The following TFB2M variants were observed in gnomAD, a reference collection of about 807,000 sequenced individuals.
TFB2M encodes the protein dimethyladenosine transferase 2, mitochondrial.
A neutral mutation model predicts 41.3 loss-of-function variants in TFB2M; 44 were observed. The ratio of observed to expected loss-of-function variants is 1.07; its 90% CI spans 0.84 to 1.37. The LOEUF is 1.37. Ranked by LOEUF, TFB2M falls within the 40% of genes most tolerant of loss-of-function variation. TFB2M has a pLI of 0.00. For missense variants in TFB2M, 496 were observed against 490.2 expected (o/e 1.01, Z -0.11); for synonymous variants, 188 against 176.8 (o/e 1.06, Z -0.50).
At chr1:246,564,522 A>T (rs983367359) in intron 1 of TFB2M, 88 bp from the exon 2 acceptor site, 15 of 1,228,548 alleles carry the variant, frequency 1.2e-5, no homozygotes, top group South Asian at 2.6e-5. Context: ...TTCACACGTT[A>T]TTACCTGGTT....
rs1294155368 is a variant in TFB2M at position 246,565,948 on chromosome 1, G to A, written c.191C>T (p.Ala64Val). Residue 64 changes from alanine (A) to valine (V), a missense_variant, in exon 1 of 8, where the codon GCG (alanine) becomes GTG (valine). Physicochemically the swap from Ala to Val is moderately conservative, Grantham distance 64. Transcript: ENST00000366514. ...CTTAAAGTCTAAGCTGGCCTTAGAC[G>A]CCTTCCTTGGCGGATTCCTGAAATC... Reference protein sequence around the residue: ...EPDFRNPPRKASKASLDFKRY... With the variant: ...EPDFRNPPRKVSKASLDFKRY... 4.3e-6 allele frequency: 7 copies of A among 1,614,194 alleles called. No individual in the cohort carries two copies. The South Asian group carries it at 4.4e-5, about 10-fold the overall frequency.
intron 2 of TFB2M, among the ~76,000 whole-genome samples, chr1:246,558,247 A>C (rs1659375384): frequency 6.6e-6 from 1 of 151,556 alleles, no homozygotes; most frequent in Non-Finnish European, 1.5e-5. Context: ...CCTGGGCTTA[A>C]GTGATCCTTC....
intron 6 of TFB2M, among the ~76,000 whole-genome samples, 200 bp downstream of exon 6, chr1:246,548,345 G>A (rs1039045824): frequency 6.6e-6 from 1 of 152,016 alleles, no homozygotes; most frequent in Admixed American, 6.6e-5. Context: ...CTATTACTAT[G>A]CTAGCATCCA....
intron 2 of TFB2M, among the ~76,000 whole-genome samples, chr1:246,559,925 G>A (rs954539926): frequency 6.6e-6 from 1 of 152,158 alleles, no homozygotes; most frequent in African/African-American, 2.4e-5. Context: ...TGGTGTCATG[G>A]AAGCTAAAAG....
chr1:246,566,121 G>C lies in TFB2M; in HGVS notation c.18C>G (p.Val6=). The part of the protein sequence containing the change: MWIPV[V]GLPRRLRLSA... Reference sequence around the variant, plus strand: ...AGAGCCTCAGCCGCCGAGGAAGCCCGACCACTGGGATCCACATGTCCTTGT... The same window carrying C: ...AGAGCCTCAGCCGCCGAGGAAGCCCCACCACTGGGATCCACATGTCCTTGT... Residue 6 remains valine, a synonymous_variant, in exon 1 of 8, where the codon GTC becomes GTG. Transcript: ENST00000366514. 6.2e-7 allele frequency: 1 copy of C among 1,609,874 alleles called. No homozygotes were observed. The highest frequency in any genetic ancestry group is 8.5e-7 in the Non-Finnish European group (1 of 1,177,002).
intron 4 of TFB2M, among the ~76,000 whole-genome samples, chr1:246,553,649 C>CGG (rs1659243549): frequency 6.6e-6 from 1 of 151,766 alleles, no homozygotes; most frequent in Non-Finnish European, 1.5e-5. Flanking sequence ...GCCTGGGCGA[C>CGG]AGTGAGACCC....
intron 4 of TFB2M, among the ~76,000 whole-genome samples, chr1:246,553,023 T>C (rs1245905744): frequency 6.6e-6 from 1 of 151,948 alleles, no homozygotes; most frequent in Non-Finnish European, 1.5e-5. Flanking sequence ...AGTTTGAGAC[T>C]AGCCTGACCA....
rs146616289 is a variant in TFB2M, at chr1:246,561,457, G to A, written c.402+2889C>T. On this transcript the variant is annotated intron_variant, in intron 2 of 7. Transcript: ENST00000366514. ...TAAACAATTGTTTTAAAATTAAACT[G>A]TTATCTTGAAGGTTTTTTTTTTCTT... 3.2e-3 allele frequency among the ~76,000 whole-genome samples: 485 copies of A among 151,844 alleles called. 2 individuals are homozygous for A. The highest frequency in any genetic ancestry group is 0.011 in the African/African-American group (465 of 41,430).
At chr1:246,541,283 G>A (rs557999856) in intron 7 of TFB2M, 81 bp from the exon 8 acceptor site, 3 of 1,386,096 alleles carry the variant, frequency 2.2e-6, no homozygotes, top group African/African-American at 2.9e-5. Context: ...TGGCTTCTAA[G>A]TTGAATTCAA....
intron 4 of TFB2M, among the ~76,000 whole-genome samples, chr1:246,551,587 G>C (rs535361726): frequency 6.6e-6 from 1 of 151,252 alleles, no homozygotes; most frequent in Admixed American, 6.6e-5. Flanking sequence ...CAGGGCACGC[G>C]GGGTCACGCT....
rs1659665159 is a variant in TFB2M at position 246,566,146 on chromosome 1, T to C, written c.-8A>G. The C allele has an allele frequency of 6.2e-7, 1 of 1,602,568 alleles. No individual in the cohort carries two copies. The highest frequency in any genetic ancestry group is 8.5e-7 in the Non-Finnish European group (1 of 1,171,874). On this transcript the variant is annotated 5_prime_UTR_variant, in exon 1 of 8. Transcript: ENST00000366514. ...GACCACTGGGATCCACATGTCCTTG[T>C]CTCTCAGGCCCGCTCCAAGAATCAC...
intron 4 of TFB2M, among the ~76,000 whole-genome samples, chr1:246,555,271 A>C (rs1329890826): frequency 6.6e-6 from 1 of 152,180 alleles, no homozygotes; most frequent in African/African-American, 2.4e-5. Flanking sequence ...GACGGATAAC[A>C]AACAGTATGG....
chr1:246,546,291 G>C (rs1659016806), intron 6 of TFB2M, among the ~76,000 whole-genome samples: 1 of 118,778 alleles, frequency 8.4e-6, no homozygotes, highest in Admixed American at 9.4e-5. Context: ...CAGCCTGGGA[G>C]AAGAGTGAGA....
chr1:246,542,821 A>T (rs1254019782), intron 7 of TFB2M, among the ~76,000 whole-genome samples: 1 of 152,094 alleles, frequency 6.6e-6, no homozygotes, highest in East Asian at 1.9e-4. Flanking sequence ...TTTCATTCAA[A>T]ATAGCCACAA....
intron 5 of TFB2M, among the ~76,000 whole-genome samples, chr1:246,549,889 C>T (rs544389854): frequency 4.6e-5 from 7 of 152,248 alleles, no homozygotes; most frequent in Admixed American, 2.0e-4. Context: ...ATGAGTACTG[C>T]CACTTCCCAC....
At chr1:246,558,157 CTTT>C (rs11438177) in intron 2 of TFB2M, among the ~76,000 whole-genome samples, 6 of 140,996 alleles carry the variant, frequency 4.3e-5, no homozygotes, top group Non-Finnish European at 6.1e-5. Context: ...TATCTGTTTA[CTTT>C]TTTTTTTTTT....
intron 5 of TFB2M, among the ~76,000 whole-genome samples, chr1:246,549,108 G>A (rs1659099006): frequency 6.6e-6 from 1 of 152,082 alleles, no homozygotes; most frequent in South Asian, 2.1e-4. Flanking sequence ...GGCCAAAGTG[G>A]GAGGGTTGCT....
In TFB2M at chr1:246,544,509, CT is replaced by C. The variant is rs1310312100; in HGVS notation, c.1019+11del. 6.3e-7 allele frequency: 1 copy of C among 1,579,446 alleles called. No individual in the cohort carries two copies. Among genetic ancestry groups the C allele is most frequent in the Admixed American group, 2.1e-5 (1 of 48,682 alleles). Reference sequence around the variant, plus strand: ...TTGCTACTTTATACTTGCTTTTATTCTTTTTACTCACCGTAAGTGGTCTATT... The same window carrying C: ...TTGCTACTTTATACTTGCTTTTATTCTTTTACTCACCGTAAGTGGTCTATT... On this transcript the variant is annotated intron_variant, in intron 7 of 7. Coordinates refer to ENST00000366514, the MANE Select transcript of TFB2M (RefSeq NM_022366.3).
chr1:246,560,454 T>C (rs1659428916), intron 2 of TFB2M, among the ~76,000 whole-genome samples: 1 of 151,992 alleles, frequency 6.6e-6, no homozygotes, highest in African/African-American at 2.4e-5. Context: ...GCCTGGGAAG[T>C]TGAGACTGTA....
Sources: gnomAD v4.1 joint callset for allele counts (sites outside exome capture counted in the v4.1 genomes callset) on GRCh38, gnomAD v4.1.1 for gene constraint, MANE v1.5 for transcripts, NCBI Gene and HGNC (gene_info 2026-07-23, HGNC 2026-07-21) for gene names.